SH3GL1: variants seen among roughly 807,000 people sequenced by gnomAD.
SH3GL1 encodes endophilin-A2.
Under a neutral mutation model 48.8 loss-of-function variants are expected in SH3GL1, and 21 were observed. The observed-to-expected ratio is 0.43, with a 90% CI of 0.30 to 0.62. SH3GL1 has a LOEUF of 0.62. SH3GL1 is among the 20% of genes least tolerant of loss of function. SH3GL1 has a pLI of 0.11. For synonymous variants in SH3GL1, 282 were observed against 217.5 expected (o/e 1.30, Z -2.61); for missense variants, 454 against 503.0 (o/e 0.90, Z 0.93).
At chr19:4,370,696 C>T (rs1457726590) in intron 1 of SH3GL1, among the ~76,000 whole-genome samples, 1 of 152,222 alleles carries the variant, frequency 6.6e-6, no homozygotes, top group Non-Finnish European at 1.5e-5. Flanking sequence ...CAAGACTCTG[C>T]CCCTGCTTCA....
intron 4 of SH3GL1, 124 bp downstream of exon 4, chr19:4,365,358 G>T: frequency 7.5e-7 from 1 of 1,332,286 alleles, no homozygotes; most frequent in Non-Finnish European, 1.1e-6. Flanking sequence ...TCTGCAGCTG[G>T]AAAGCTGTGG....
chr19:4,382,595 G>C (rs1457384022), intron 1 of SH3GL1, among the ~76,000 whole-genome samples: 1 of 152,118 alleles, frequency 6.6e-6, no homozygotes, highest in Non-Finnish European at 1.5e-5. Flanking sequence ...GATGGGACTG[G>C]GCCCTTGTGG....
chr19:4,371,733 C>T (rs1473774419), intron 1 of SH3GL1, among the ~76,000 whole-genome samples: 4 of 152,182 alleles, frequency 2.6e-5, no homozygotes, highest in Non-Finnish European at 5.9e-5. Context: ...GCAGAGTTCA[C>T]GGGTCCTCCC....
intron 1 of SH3GL1, among the ~76,000 whole-genome samples, chr19:4,382,924 A>G (rs1019766429): frequency 3.3e-5 from 5 of 151,802 alleles, no homozygotes; most frequent in African/African-American, 1.2e-4. Flanking sequence ...TGTGTATTTC[A>G]TTTTTTCTTT....
intron 8 of SH3GL1, 81 bp downstream of exon 8, chr19:4,362,529 TCA>T: frequency 9.4e-6 from 15 of 1,598,778 alleles, no homozygotes; most frequent in Non-Finnish European, 1.3e-5. Context: ...AGTCTGGCGC[TCA>T]GAGACCCAGG....
chr19:4,366,861 A>C, intron 2 of SH3GL1, 65 bp downstream of exon 2: 2 of 1,527,414 alleles, frequency 1.3e-6, no homozygotes. Flanking sequence ...CGCCTCCACT[A>C]TGCCCGGCAG....
At chr19:4,361,863 G>A (rs1277840486) in intron 9 of SH3GL1, 67 bp from the exon 10 acceptor site, 7 of 1,126,896 alleles carry the variant, frequency 6.2e-6, no homozygotes, top group Non-Finnish European at 3.9e-6. Context: ...TGGGGTCTCA[G>A]ACCTGCTGTG....
intron 1 of SH3GL1, among the ~76,000 whole-genome samples, chr19:4,385,210 C>T (rs1181538179): frequency 6.6e-6 from 1 of 152,060 alleles, no homozygotes; most frequent in African/African-American, 2.4e-5. Context: ...GCGCAGTGAA[C>T]GTGCGCAGTG....
rs762783021 is a variant in SH3GL1, at chr19:4,361,311, C to G, written c.*289G>C. 2.0e-6 allele frequency: 1 copy of G among 496,632 alleles called. No individual in the cohort carries two copies. The highest frequency in any genetic ancestry group is 1.9e-5 in the African/African-American group (1 of 51,608). The allele number at this position is 496,632 out of a possible 1,614,324, so 30.8% of individuals were successfully genotyped here. A position where few individuals can be genotyped will look rare whatever the true frequency, so the allele number is the denominator to read the frequency against. ...CTTAGTGTTGCCCCGCCTCGGCCAG[C>G]TGGGCGAGAAGTTGGGGAGCGGGGG... On this transcript the variant is annotated 3_prime_UTR_variant, in exon 10 of 10. Coordinates refer to ENST00000269886, the MANE Select transcript of SH3GL1 (RefSeq NM_003025.4).
chr19:4,361,864 A>ACC, intron 9 of SH3GL1, 68 bp from the exon 10 acceptor site: 1 of 1,120,940 alleles, frequency 8.9e-7, no homozygotes, highest in South Asian at 1.3e-5. Flanking sequence ...GGGGTCTCAG[A>ACC]CCTGCTGTGA....
chr19:4,364,643 C>T (rs562943326), intron 4 of SH3GL1: 10 of 183,048 alleles, frequency 5.5e-5, no homozygotes, highest in Non-Finnish European at 1.0e-4. Flanking sequence ...ATAGACCACA[C>T]CGGTCTCGAA....
In SH3GL1 at chr19:4,367,056, G is replaced by T. The variant is rs1972798271; in HGVS notation, c.46-62C>A. The T allele has an allele frequency of 5.4e-6, 8 of 1,494,004 alleles. No individual in the cohort carries two copies. The South Asian group carries it at 9.0e-5, about 17-fold the overall frequency. 92.5% of individuals were successfully genotyped at this position (1,494,004 alleles called of 1,614,324 possible). On this transcript the variant is annotated intron_variant, in intron 1 of 9. Transcript: ENST00000269886. The surrounding 1 kb of genome is among the most constrained non-coding windows in gnomAD (Gnocchi z 4.2). ...GGGTAGGAGGAAGAAGAGGACAGGA[G>T]GCCCTGAGCCGCCTTCCAGCCACAT...
At position 4,368,933 on chromosome 19, in the gene SH3GL1, C is replaced by G. The variant is rs375897451; in HGVS notation, c.46-1939G>C. Among the ~76,000 whole-genome samples the G allele has an allele frequency of 2.8e-4, 42 of 152,206 alleles. No homozygotes were observed. In the South Asian group the frequency reaches 5.4e-3, roughly 20 times the overall value. On this transcript the variant is annotated intron_variant, in intron 1 of 9. Transcript: ENST00000269886. ...AAAAATACAAAAAAATTAGCCGGGCCTGATGGCGGGTGCCTGTAGTCCCAG... is the reference window on the plus strand; with the variant it reads ...AAAAATACAAAAAAATTAGCCGGGCGTGATGGCGGGTGCCTGTAGTCCCAG...
At chr19:4,366,387 C>G (rs1243361604) in intron 3 of SH3GL1, 114 bp downstream of exon 3, 1 of 796,246 alleles carries the variant, frequency 1.3e-6, no homozygotes, top group Non-Finnish European at 2.1e-6. Context: ...CGGGATCCAG[C>G]TGTGCCTGAA....
In SH3GL1 at chr19:4,368,493, C is replaced by T. The variant is rs151278083; in HGVS notation, c.46-1499G>A. ...CAAGTTCTGCAAAAGGTAGCCTGCC[C>T]GGAGTACACGGCTGGTCTTGTGTCC... On this transcript the variant is annotated intron_variant, in intron 1 of 9. Transcript: ENST00000269886. Among the ~76,000 whole-genome samples the T allele has an allele frequency of 1.3e-3, 198 of 152,352 alleles. 6 individuals carry two copies. The East Asian group carries it at 0.036, about 28-fold the overall frequency.
rs201029225 is a variant in SH3GL1, at chr19:4,362,362, C to A, written c.877G>T (p.Asp293Tyr). 5 of 1,612,028 alleles carry A rather than the reference C, an allele frequency of 3.1e-6. No individual in the cohort carries two copies. The highest frequency in any genetic ancestry group is 3.3e-5 in the Admixed American group (2 of 59,718). Residue 293 changes from aspartate to tyrosine, a missense_variant, in exon 9 of 10, where the codon GAC becomes TAC. Physicochemically the swap from Asp to Tyr is radical, Grantham distance 160. Around this residue, in one of 2 missense-constraint regions of SH3GL1, gnomAD observed 278 missense variants for 246.8 expected, o/e 1.13. Coordinates refer to ENST00000269886, the MANE Select transcript of SH3GL1 (RefSeq NM_003025.4). Reference sequence around the variant, plus strand: ...CGGCTAGGGGTCCGGATGGGCTTGTCGGAAGATCGGAAAGACGATGAAGCT... The same window carrying A: ...CGGCTAGGGGTCCGGATGGGCTTGTAGGAAGATCGGAAAGACGATGAAGCT... ...IAASSSFRSS[D>Y]KPIRTPSRSM...
At chr19:4,365,193 A>G (rs1972747045) in intron 4 of SH3GL1, among the ~76,000 whole-genome samples, 1 of 152,134 alleles carries the variant, frequency 6.6e-6, no homozygotes. Context: ...AAAAGGGCCT[A>G]GGTTTGCCCT....
At position 4,400,534 on chromosome 19, in the gene SH3GL1, G is replaced by C. The variant is rs1973506767; in HGVS notation, c.-166C>G. 2.5e-6 allele frequency: 1 copy of C among 393,744 alleles called. No individual in the cohort carries two copies. The highest frequency in any genetic ancestry group is 3.5e-6 in the Non-Finnish European group (1 of 287,776). The allele number at this position is 393,744 out of a possible 1,614,324, so 24.4% of individuals were successfully genotyped here. ...CCGCCTCAGCCGCTCGCGCGCCCGC[G>C]CGGCCAGGATATTACATGGCAACCG... On this transcript the variant is annotated 5_prime_UTR_variant, in exon 1 of 10. Coordinates refer to ENST00000269886, the MANE Select transcript of SH3GL1 (RefSeq NM_003025.4). The surrounding 1 kb of genome is among the most constrained non-coding windows in gnomAD (Gnocchi z 4.1).
chr19:4,381,327 GTCTCTCTGTCCCCTCTGCC>G (rs1337464219), intron 1 of SH3GL1, among the ~76,000 whole-genome samples: 8 of 65,998 alleles, frequency 1.2e-4, no homozygotes, highest in Non-Finnish European at 1.9e-4. Flanking sequence ...TATGTCTCCC[GTCTCTCTGTCCCCTCTGCC>G]TCTCTCTGTC....
Sources: allele counts gnomAD v4.1 joint callset (sites outside exome capture counted in the v4.1 genomes callset), GRCh38; gene constraint gnomAD v4.1.1; regional missense constraint gnomAD v4.1.1; non-coding constraint Gnocchi (gnomAD v3.1); transcripts MANE v1.5; gene names NCBI Gene and HGNC (gene_info 2026-07-23, HGNC 2026-07-21).